Variants in XKR6 observed in about 807,000 individuals in gnomAD.
XKR6 encodes XK related 6, also known as XK-related protein 6.
Under a neutral mutation model 56.7 loss-of-function variants are expected in XKR6, and 22 were observed. The observed-to-expected ratio is 0.39, with a 90% CI of 0.28 to 0.55. XKR6 has a LOEUF of 0.55. XKR6 is among the 20% of genes least tolerant of loss of function. The pLI, the probability that XKR6 is intolerant of heterozygous loss-of-function variation, is 0.66. For missense variants in XKR6, 852 were observed against 889.0 expected (o/e 0.96, Z 0.53); for synonymous variants, 524 against 387.8 (o/e 1.35, Z -4.13).
At chr8:11,060,139 G>T (rs898964193) in intron 1 of XKR6, among the ~76,000 whole-genome samples, 9 of 152,198 alleles carry the variant, frequency 5.9e-5, no homozygotes, top group African/African-American at 2.2e-4. Flanking sequence ...GGTTGGATCA[G>T]AGCTTGGGGA....
intron 1 of XKR6, among the ~76,000 whole-genome samples, chr8:11,030,829 A>C (rs565971387): frequency 6.6e-6 from 1 of 152,322 alleles, no homozygotes; most frequent in East Asian, 1.9e-4. Context: ...TGAAAGCCCC[A>C]AAATGAGGAG....
At chr8:10,934,377 G>A (rs1478327617) in intron 1 of XKR6, among the ~76,000 whole-genome samples, 1 of 44,440 alleles carries the variant, frequency 2.3e-5, no homozygotes, top group Non-Finnish European at 4.8e-5. Flanking sequence ...TTTCCTAATT[G>A]AATACCCTTT....
chr8:11,037,962 G>C (rs1285544129), intron 1 of XKR6, among the ~76,000 whole-genome samples: 2 of 151,400 alleles, frequency 1.3e-5, no homozygotes, highest in Non-Finnish European at 2.9e-5. Flanking sequence ...AGGAGGCAGA[G>C]GTTGTAGTGA....
chr8:10,982,605 A>C (rs1586389071), intron 1 of XKR6, among the ~76,000 whole-genome samples: 1 of 152,294 alleles, frequency 6.6e-6, no homozygotes, highest in African/African-American at 2.4e-5. Context: ...CAAGTTCAGT[A>C]ATGGTGAGAA....
chr8:11,150,876 A>AAT (rs1801237908), intron 1 of XKR6, among the ~76,000 whole-genome samples: 1 of 148,060 alleles, frequency 6.8e-6, no homozygotes. Context: ...AAAAAAAAAA[A>AAT]TTCCTTCCAA....
intron 1 of XKR6, among the ~76,000 whole-genome samples, chr8:10,999,667 G>T (rs1197731596): frequency 6.6e-6 from 1 of 152,182 alleles, no homozygotes. Context: ...CTGCAGATGT[G>T]ACCAAGCTAC....
At chr8:11,005,929 T>C (rs1344463059) in intron 1 of XKR6, among the ~76,000 whole-genome samples, 4 of 150,608 alleles carry the variant, frequency 2.7e-5, no homozygotes, top group Non-Finnish European at 4.4e-5. Flanking sequence ...CTGCACAGTC[T>C]GCCTTCTGGG....
chr8:11,156,307 C>A (rs540322015), intron 1 of XKR6, among the ~76,000 whole-genome samples: 10 of 152,072 alleles, frequency 6.6e-5, no homozygotes, highest in African/African-American at 2.4e-4. Context: ...CTCATCAAGG[C>A]GAAATTCAAA....
intron 1 of XKR6, among the ~76,000 whole-genome samples, chr8:11,152,677 A>G (rs1484875255): frequency 6.6e-6 from 1 of 152,218 alleles, no homozygotes; most frequent in African/African-American, 2.4e-5. Flanking sequence ...CTTTTGTATA[A>G]CAAGTGAACA....
At chr8:11,173,987 A>G (rs1189710546) in intron 1 of XKR6, among the ~76,000 whole-genome samples, 1 of 152,208 alleles carries the variant, frequency 6.6e-6, no homozygotes, top group African/African-American at 2.4e-5. Flanking sequence ...GTACTTTCAC[A>G]ATTTATTCTA....
chr8:11,184,074 G>C, intron 1 of XKR6, among the ~76,000 whole-genome samples: 1 of 152,252 alleles, frequency 6.6e-6, no homozygotes, highest in Non-Finnish European at 1.5e-5. Context: ...AATAAGATCA[G>C]CTAGACAAAA....
chr8:11,024,760 A>T (rs2129149645), intron 1 of XKR6, among the ~76,000 whole-genome samples: 1 of 152,336 alleles, frequency 6.6e-6, no homozygotes, highest in East Asian at 1.9e-4. Context: ...TGGGGAAGAG[A>T]ATCTAGAACT....
intron 1 of XKR6, among the ~76,000 whole-genome samples, chr8:11,152,318 C>T (rs1395933435): frequency 6.6e-6 from 1 of 152,190 alleles, no homozygotes; most frequent in African/African-American, 2.4e-5. Context: ...GACCCTCAGC[C>T]CTCTGATTCC....
chr8:11,151,492 C>T (rs377287942), intron 1 of XKR6, among the ~76,000 whole-genome samples: 49 of 152,206 alleles, frequency 3.2e-4, no homozygotes, highest in Admixed American at 1.3e-3. Context: ...AATCTTGGTT[C>T]ATGCTCAGTA....
intron 1 of XKR6, among the ~76,000 whole-genome samples, chr8:11,007,136 G>C (rs906115211): frequency 7.9e-5 from 12 of 152,170 alleles, no homozygotes; most frequent in Non-Finnish European, 1.5e-4. Context: ...CTGGGATGCT[G>C]TTCTGATGCT....
At chr8:11,167,252 C>G (rs1802124892) in intron 1 of XKR6, among the ~76,000 whole-genome samples, 1 of 152,206 alleles carries the variant, frequency 6.6e-6, no homozygotes, top group Admixed American at 6.5e-5. Context: ...GAATCAAGAA[C>G]TTCAAAGGAT....
chr8:10,906,373 C>T (rs1437471593), intron 2 of XKR6, among the ~76,000 whole-genome samples: 1 of 152,198 alleles, frequency 6.6e-6, no homozygotes, highest in African/African-American at 2.4e-5. Flanking sequence ...AAATTCAGTG[C>T]CTACTCTACA....
chr8:11,077,059 CA>C (rs151133400), intron 1 of XKR6, among the ~76,000 whole-genome samples: 33,140 of 151,964 alleles, frequency 0.22, 4,035 homozygotes, highest in African/African-American at 0.32. Context: ...CCTGTAGTCC[CA>C]AGCTACTCAA....
chr8:11,103,618 A>T (rs768029772), intron 1 of XKR6, among the ~76,000 whole-genome samples: 1 of 152,160 alleles, frequency 6.6e-6, no homozygotes, highest in Non-Finnish European at 1.5e-5. Context: ...CCATTCAAGT[A>T]GTAAAGAAAA....
Sources: gnomAD v4.1 joint callset for allele counts (sites outside exome capture counted in the v4.1 genomes callset) on GRCh38, gnomAD v4.1.1 for gene constraint, MANE v1.5 for transcripts, NCBI Gene and HGNC (gene_info 2026-07-23, HGNC 2026-07-21) for gene names.